Variants in DPH6 observed in about 807,000 individuals in gnomAD.
DPH6 encodes the protein diphthine--ammonia ligase.
DPH6 carries 33 observed loss-of-function variants against 38.2 expected under a neutral mutation model. The ratio of observed to expected loss-of-function variants is 0.86; its 90% CI spans 0.65 to 1.15. The LOEUF is 1.15. Ranked by LOEUF, DPH6 falls within the 50% of genes most tolerant of loss-of-function variation. The pLI is 0.00. For synonymous variants in DPH6, 108 were observed against 103.0 expected, an observed-to-expected ratio of 1.05 and a Z score of -0.30; for missense variants, 325 against 320.0, an observed-to-expected ratio of 1.02 and a Z score of -0.12.
intron 3 of DPH6, among the ~76,000 whole-genome samples, chr15:35,493,931 TAA>T: frequency 6.6e-6 from 1 of 152,256 alleles, no homozygotes; most frequent in Admixed American, 6.5e-5. Context: ...ATTTTAAAAT[TAA>T]AGACTTATAT....
At chr15:35,216,650 C>G (rs1007992576), downstream of DPH6, among the ~76,000 whole-genome samples, 6 of 152,096 alleles carry the variant, frequency 3.9e-5, no homozygotes, top group Non-Finnish European at 2.9e-5. Context: ...TACCAAGTGC[C>G]TATATGTGCT....
At chr15:35,205,700 A>G in the DPH6 span, among the ~76,000 whole-genome samples, 4 of 152,052 alleles carry the variant, frequency 2.6e-5, no homozygotes, top group African/African-American at 9.7e-5. Flanking sequence ...AGCAATCAAC[A>G]TTGAGTTTTT....
intron 3 of DPH6, among the ~76,000 whole-genome samples, chr15:35,287,113 T>C (rs899289221): frequency 3.0e-4 from 46 of 152,268 alleles, no homozygotes; most frequent in Non-Finnish European, 2.9e-5. Flanking sequence ...AATGCTGAAA[T>C]TGGGCTGAAA....
intron 3 of DPH6, chr15:35,298,783 G>T: frequency 2.4e-6 from 3 of 1,261,890 alleles, no homozygotes; most frequent in Non-Finnish European, 2.3e-6. Flanking sequence ...GCTGGGCCGG[G>T]TTGGAGATCT....
At chr15:35,394,685 G>A (rs553677777) in intron 6 of DPH6, among the ~76,000 whole-genome samples, 22 of 152,224 alleles carry the variant, frequency 1.4e-4, no homozygotes, top group Middle Eastern at 3.4e-3. Flanking sequence ...TTATGTAAGC[G>A]CTTTCTCTGA....
At chr15:35,446,170 T>TA (rs1161853637) in intron 5 of DPH6, among the ~76,000 whole-genome samples, 2 of 151,988 alleles carry the variant, frequency 1.3e-5, no homozygotes, top group Admixed American at 6.6e-5. Flanking sequence ...GACATAAATT[T>TA]ACAGTATTGA....
In DPH6 at chr15:35,382,425, C is replaced by T. The variant is rs1006691178; in HGVS notation, c.568-509G>A. ...CAGCCTGGGCGACAGAGGGAGACTC[C>T]GTCAAAAATAAAAACGAAAAACAAA... On this transcript the variant is annotated intron_variant, in intron 6 of 8. Transcript: ENST00000256538. Among the ~76,000 whole-genome samples the T allele has an allele frequency of 6.6e-5, 10 of 150,476 alleles. No individual in the cohort carries two copies. The East Asian group carries it at 1.2e-3, about 18-fold the overall frequency.
intron 3 of DPH6, chr15:35,282,865 G>A: frequency 2.9e-6 from 1 of 339,438 alleles, no homozygotes; most frequent in South Asian, 3.1e-5. Context: ...GCTTAAGGTG[G>A]ATGAAGACCC....
At chr15:35,297,473 T>C (rs904264325) in intron 3 of DPH6, among the ~76,000 whole-genome samples, 3 of 152,124 alleles carry the variant, frequency 2.0e-5, no homozygotes, top group Non-Finnish European at 4.4e-5. Flanking sequence ...CAGAGCAGCA[T>C]TTGTCCCTTG....
chr15:35,254,866 G>A (rs1260449220), intron 3 of DPH6, among the ~76,000 whole-genome samples: 5 of 152,096 alleles, frequency 3.3e-5, no homozygotes, highest in African/African-American at 9.7e-5. Flanking sequence ...GGCAGGGGTG[G>A]ATCTCACAAA....
At chr15:35,224,295 C>T (rs970350645) in intron 3 of DPH6, among the ~76,000 whole-genome samples, 3 of 151,686 alleles carry the variant, frequency 2.0e-5, no homozygotes, top group East Asian at 1.9e-4. Flanking sequence ...TTAGTAGAGA[C>T]GGGGTTTCAT....
intron 3 of DPH6, among the ~76,000 whole-genome samples, chr15:35,337,434 G>A (rs2052382488): frequency 6.6e-6 from 1 of 152,038 alleles, no homozygotes; most frequent in Non-Finnish European, 1.5e-5. Context: ...ATTCACAATG[G>A]CTTCAAAGAG....
At chr15:35,190,715 T>C in the DPH6 span, among the ~76,000 whole-genome samples, 2 of 152,246 alleles carry the variant, frequency 1.3e-5, no homozygotes, top group Non-Finnish European at 2.9e-5. Flanking sequence ...GAAGGGGGTT[T>C]ATTTTGGGCA....
chr15:35,273,153 A>T (rs1234423387), intron 3 of DPH6, among the ~76,000 whole-genome samples: 4 of 152,094 alleles, frequency 2.6e-5, no homozygotes, highest in African/African-American at 9.7e-5. Flanking sequence ...AAAAAAAAAA[A>T]ATTTAATTTC....
chr15:35,397,868 T>TATACACACACACACACACAC (rs752473433), intron 6 of DPH6, among the ~76,000 whole-genome samples: 1 of 87,310 alleles, frequency 1.1e-5, no homozygotes, highest in South Asian at 5.0e-4. Flanking sequence ...TTTATATATA[T>TATACACACACACACACACAC]ACACACACAC....
intron 5 of DPH6, among the ~76,000 whole-genome samples, chr15:35,436,447 CAG>C (rs1189657136): frequency 2.8e-5 from 4 of 143,142 alleles, no homozygotes; most frequent in Non-Finnish European, 6.0e-5. Flanking sequence ...GCCTGGGAGA[CAG>C]AGTGAGACTC....
chr15:35,149,983 C>T, the DPH6 span, among the ~76,000 whole-genome samples: 440 of 152,286 alleles, frequency 2.9e-3, 2 homozygotes, highest in African/African-American at 0.01. Flanking sequence ...ACTACATATG[C>T]GATCCCGATG....
At chr15:35,492,061 G>A (rs117668421) in intron 3 of DPH6, among the ~76,000 whole-genome samples, 1 of 152,042 alleles carries the variant, frequency 6.6e-6, no homozygotes, top group African/African-American at 2.4e-5. Flanking sequence ...TAGTTTGAAG[G>A]CTTAAGAGCC....
intron 5 of DPH6, among the ~76,000 whole-genome samples, chr15:35,438,764 G>C (rs553330959): frequency 3.7e-4 from 57 of 152,292 alleles, no homozygotes; most frequent in African/African-American, 1.4e-3. Flanking sequence ...GCCCCTTTTA[G>C]TTCATGTGAC....
Sources: gnomAD v4.1 joint callset for allele counts (sites outside exome capture counted in the v4.1 genomes callset) on GRCh38, gnomAD v4.1.1 for gene constraint, MANE v1.5 for transcripts, NCBI Gene and HGNC (gene_info 2026-07-23, HGNC 2026-07-21) for gene names.